The following GAD2 variants were observed in gnomAD, a reference collection of about 807,000 sequenced individuals.
GAD2 encodes the protein glutamate decarboxylase 2, also known as 65 kDa glutamic acid decarboxylase.
Under a neutral mutation model 80.1 loss-of-function variants are expected in GAD2, and 22 were observed. The observed-to-expected ratio is 0.27, with a 90% CI of 0.20 to 0.39. GAD2 has a LOEUF of 0.39. Ranked by LOEUF, GAD2 falls within the 10% of genes least tolerant of loss-of-function variation. The pLI is 1.00. For synonymous variants in GAD2, 274 were observed against 256.9 expected (o/e 1.07, Z -0.64); for missense variants, 624 against 738.4 (o/e 0.85, Z 1.80).
chr10:26,251,595 T>C (rs1234079447), intron 8 of GAD2, among the ~76,000 whole-genome samples: 1 of 152,274 alleles, frequency 6.6e-6, no homozygotes, highest in Admixed American at 6.5e-5. Flanking sequence ...GAATAACCTT[T>C]GTATCCTTCA....
At position 26,286,466 on chromosome 10, in the gene GAD2, T is replaced by A. The variant is rs765035926; in HGVS notation, c.1358T>A (p.Phe453Tyr). 3.1e-6 allele frequency: 5 copies of A among 1,613,620 alleles called. No individual in the cohort carries two copies. The highest frequency in any genetic ancestry group is 4.2e-6 in the Non-Finnish European group (5 of 1,179,868). Residue 453 changes from phenylalanine to tyrosine, a missense_variant, in exon 13 of 16, where the codon TTT becomes TAT. Coordinates refer to ENST00000376261, the MANE Select transcript of GAD2 (RefSeq NM_001134366.2). ...ALQCGRHVDV[F>Y]KLWLMWRAKG... is the part of the protein sequence containing the mutation. ...CAGTGCGGACGCCACGTTGATGTTT[T>A]TAAACTATGGCTGATGTGGAGGGCA... is the stretch of plus-strand genomic sequence containing the variant.
chr10:26,294,156 G>A (rs1288452104), intron 15 of GAD2, among the ~76,000 whole-genome samples: 1 of 152,166 alleles, frequency 6.6e-6, no homozygotes, highest in Non-Finnish European at 1.5e-5. Flanking sequence ...GGTTGGTTTG[G>A]GGGTTCTTTT....
At chr10:26,287,788 C>T (rs1845351271) in intron 13 of GAD2, among the ~76,000 whole-genome samples, 1 of 152,160 alleles carries the variant, frequency 6.6e-6, no homozygotes, top group Non-Finnish European at 1.5e-5. Flanking sequence ...CATTTTGATT[C>T]TAACAACATT....
At chr10:26,246,552 C>T (rs1296036831) in intron 8 of GAD2, among the ~76,000 whole-genome samples, 1 of 152,216 alleles carries the variant, frequency 6.6e-6, no homozygotes, top group Non-Finnish European at 1.5e-5. Flanking sequence ...CGTAAAGTAT[C>T]ACTGGCCTGT....
intron 7 of GAD2, among the ~76,000 whole-genome samples, chr10:26,235,919 G>A (rs894232532): frequency 6.6e-6 from 1 of 152,088 alleles, no homozygotes; most frequent in Non-Finnish European, 1.5e-5. Flanking sequence ...CCTCATCTAG[G>A]AAACATATTC....
chr10:26,300,349 A>G lies in GAD2; in HGVS notation c.1585-439A>G, dbSNP rs1268470801. ...CTCTGGGGTTTCAAGAAAGTTGCCA[A>G]AAGTCTGCTTATCTTCATATATCAC... On this transcript the variant is annotated intron_variant, in intron 15 of 15. Coordinates refer to ENST00000376261, the MANE Select transcript of GAD2 (RefSeq NM_001134366.2). 1.1e-4 allele frequency among the ~76,000 whole-genome samples: 16 copies of G among 152,192 alleles called. 1 individual carries two copies. The highest frequency in any genetic ancestry group is 5.8e-4 in the East Asian group (3 of 5,198).
intron 8 of GAD2, among the ~76,000 whole-genome samples, chr10:26,266,015 C>T (rs989049667): frequency 2.0e-5 from 3 of 152,252 alleles, no homozygotes; most frequent in Admixed American, 6.5e-5. Context: ...TTAAATACCT[C>T]CCAGGCTAAA....
At chr10:26,267,086 A>T (rs183986521) in intron 8 of GAD2, among the ~76,000 whole-genome samples, 80 of 152,290 alleles carry the variant, frequency 5.3e-4, no homozygotes, top group African/African-American at 1.9e-3. Flanking sequence ...CCTTATACTT[A>T]AAAAAAGTTA....
In GAD2 at chr10:26,217,085, A is replaced by T. The variant is rs999904334; in HGVS notation, c.76+200A>T. ...CTCTTGTACCCTGGGAAGACGCCCA[A>T]ATAGTCTCAGGCCCGTTCCACAGAA... On this transcript the variant is annotated intron_variant, in intron 1 of 15. Transcript: ENST00000376261. This position sits in a 1 kb window ranked among gnomAD's most constrained non-coding sequence, Gnocchi z 4.9. Among the ~76,000 whole-genome samples the T allele has an allele frequency of 2.6e-5, 4 of 151,970 alleles. No individual in the cohort carries two copies. The highest frequency in any genetic ancestry group is 9.7e-5 in the African/African-American group (4 of 41,382).
intron 6 of GAD2, among the ~76,000 whole-genome samples, chr10:26,225,018 A>G (rs1240855614): frequency 6.6e-6 from 1 of 152,242 alleles, no homozygotes; most frequent in Admixed American, 6.5e-5. Flanking sequence ...GGAAATGGGT[A>G]GCCTCATTTA....
chr10:26,291,250 A>C (rs1276842834), intron 13 of GAD2, among the ~76,000 whole-genome samples: 1 of 152,194 alleles, frequency 6.6e-6, no homozygotes, highest in Non-Finnish European at 1.5e-5. Flanking sequence ...AGTCCATCCC[A>C]AGTGAACCCA....
chr10:26,282,332 A>G (rs946668809), intron 12 of GAD2, among the ~76,000 whole-genome samples: 1 of 152,216 alleles, frequency 6.6e-6, no homozygotes, highest in Admixed American at 6.5e-5. Context: ...GGCAGAACAG[A>G]AAATATAAAT....
At chr10:26,293,582 A>T (rs562809850) in intron 15 of GAD2, among the ~76,000 whole-genome samples, 1 of 152,324 alleles carries the variant, frequency 6.6e-6, no homozygotes, top group African/African-American at 2.4e-5. Flanking sequence ...TCACAAAGCA[A>T]CAAGGACGTT....
At position 26,217,999 on chromosome 10, in the gene GAD2, C is replaced by G. The variant is rs774858688; in HGVS notation, c.286+8C>G. ...CGTTTCTCCATGCAACAGGTAAAGA[C>G]TCAGCGGGGAGCCCCGGGGCGCCCC... On this transcript the variant is annotated splice_region_variant and intron_variant, in intron 3 of 15. Transcript: ENST00000376261. This position sits in a 1 kb window ranked among gnomAD's most constrained non-coding sequence, Gnocchi z 4.9. The G allele has an allele frequency of 6.3e-7, 1 of 1,594,890 alleles. No individual in the cohort carries two copies. Among genetic ancestry groups the G allele is most frequent in the Admixed American group, 1.7e-5 (1 of 57,480 alleles).
At chr10:26,290,567 CAG>C (rs1344897366) in intron 13 of GAD2, among the ~76,000 whole-genome samples, 1 of 152,176 alleles carries the variant, frequency 6.6e-6, no homozygotes, top group African/African-American at 2.4e-5. Context: ...TGAAAAGTAA[CAG>C]AGCCTGAACT....
chr10:26,234,468 A>C (rs1268529389), intron 7 of GAD2, among the ~76,000 whole-genome samples: 2 of 152,250 alleles, frequency 1.3e-5, no homozygotes, highest in Non-Finnish European at 2.9e-5. Flanking sequence ...GTAATTTCTC[A>C]ATAATACCAA....
chr10:26,241,482 C>G (rs1029558753), intron 7 of GAD2, among the ~76,000 whole-genome samples: 2 of 152,026 alleles, frequency 1.3e-5, no homozygotes, highest in African/African-American at 4.8e-5. Context: ...CCCCTGATCC[C>G]AGGCTTGGCA....
intron 8 of GAD2, among the ~76,000 whole-genome samples, chr10:26,260,559 C>T (rs573691171): frequency 2.4e-4 from 37 of 152,212 alleles, no homozygotes; most frequent in Non-Finnish European, 3.4e-4. Flanking sequence ...ACCCCGGAGG[C>T]GAAGGTTGCA....
chr10:26,218,549 T>TCA (rs1373210337), intron 3 of GAD2, among the ~76,000 whole-genome samples: 146 of 57,372 alleles, frequency 2.5e-3, no homozygotes, highest in Admixed American at 5.8e-3. Context: ...TCTCTCTCTC[T>TCA]CTCACACACA....
Sources: gnomAD v4.1 joint callset for allele counts (sites outside exome capture counted in the v4.1 genomes callset) on GRCh38, gnomAD v4.1.1 for gene constraint, Gnocchi (gnomAD v3.1) non-coding constraint, MANE v1.5 for transcripts, NCBI Gene and HGNC (gene_info 2026-07-23, HGNC 2026-07-21) for gene names.